The following BTG4 variants were observed in gnomAD, a reference collection of about 807,000 sequenced individuals.
BTG4 encodes the protein BTG anti-proliferation factor 4.
BTG4 carries 10 observed loss-of-function variants against 19.3 expected under a neutral mutation model. The ratio of observed to expected loss-of-function variants is 0.52; its 90% CI spans 0.32 to 0.88. The LOEUF (loss-of-function observed/expected upper bound fraction) is 0.88. BTG4 is among the 40% of genes least tolerant of loss of function. The pLI is 0.04. For missense variants in BTG4, 238 were observed against 281.9 expected, an observed-to-expected ratio of 0.84 and a Z score of 1.11; for synonymous variants, 91 against 95.7, an observed-to-expected ratio of 0.95 and a Z score of 0.29.
In BTG4 at chr11:111,498,168, A is replaced by T. The variant is rs775475262; in HGVS notation, c.174-33T>A. ...AAAAGCGAAGGGAAACGAAGACATG[A>T]TGACAGACACTTTAGCAGGAGAATC... On this transcript the variant is annotated intron_variant, in intron 2 of 4. Transcript: ENST00000692032. The T allele has an allele frequency of 5.6e-6, 9 of 1,610,604 alleles. No homozygotes were observed. In the Admixed American group the frequency reaches 1.3e-4, roughly 24 times the overall value.
the BTG4 span, among the ~76,000 whole-genome samples, chr11:111,428,840 G>A: frequency 1.3e-5 from 2 of 152,070 alleles, no homozygotes; most frequent in African/African-American, 4.8e-5. Flanking sequence ...TCAGGTTCGT[G>A]GTAACCAGGA....
chr11:111,394,374 G>A, the BTG4 span, among the ~76,000 whole-genome samples: 1 of 152,200 alleles, frequency 6.6e-6, no homozygotes, highest in South Asian at 2.1e-4. Context: ...CATAGGGGCA[G>A]TTCCCCCCAT....
intron 5 of BTG4, chr11:111,475,281 A>C (rs1864335642): frequency 6.6e-6 from 1 of 152,248 alleles, no homozygotes; most frequent in African/African-American, 2.4e-5. Flanking sequence ...TTTGCCACAG[A>C]GGTTGAGGAC....
the BTG4 span, among the ~76,000 whole-genome samples, chr11:111,394,190 T>C: frequency 0.7 from 105,918 of 152,146 alleles, 37,969 homozygotes; most frequent in Admixed American, 0.8. Context: ...AGAAGTCAAG[T>C]TGATGAGTCC....
At chr11:111,384,759 T>A in the BTG4 span, 1 of 152,280 alleles carries the variant, frequency 6.6e-6, no homozygotes, top group South Asian at 2.1e-4. Flanking sequence ...TAAAGTTTAT[T>A]ATAGGAATTT....
chr11:111,401,971 T>C, the BTG4 span, among the ~76,000 whole-genome samples: 4 of 152,228 alleles, frequency 2.6e-5, no homozygotes, highest in African/African-American at 9.6e-5. Context: ...TATAATTATA[T>C]ATTTTTATTC....
the BTG4 span, among the ~76,000 whole-genome samples, chr11:111,441,824 T>C: frequency 1.4e-4 from 22 of 152,164 alleles, no homozygotes; most frequent in African/African-American, 5.1e-4. Flanking sequence ...CTTGAGAGGC[T>C]GAGGCAGGCA....
the BTG4 span, among the ~76,000 whole-genome samples, chr11:111,446,624 AACACACACACAC>A: frequency 1.2e-3 from 179 of 146,946 alleles, no homozygotes; most frequent in Middle Eastern, 6.8e-3. Context: ...GACACCAATA[AACACACACACAC>A]ACACACACAC....
At chr11:111,425,341 A>T in the BTG4 span, among the ~76,000 whole-genome samples, 1 of 152,128 alleles carries the variant, frequency 6.6e-6, no homozygotes, top group South Asian at 2.1e-4. Flanking sequence ...AGATAAACAC[A>T]TACACAAAAG....
the BTG4 span, among the ~76,000 whole-genome samples, chr11:111,441,115 CTTT>C: frequency 6.9e-6 from 1 of 144,444 alleles, no homozygotes; most frequent in African/African-American, 2.6e-5. Flanking sequence ...GCTCTCTTTT[CTTT>C]TTTTTTTTTT....
chr11:111,474,052 C>G (rs543147773), intron 5 of BTG4, among the ~76,000 whole-genome samples: 1 of 152,234 alleles, frequency 6.6e-6, no homozygotes, highest in East Asian at 1.9e-4. Flanking sequence ...TCTTCATCTT[C>G]CCCATGCACA....
intron 1 of BTG4, among the ~76,000 whole-genome samples, chr11:111,501,240 T>A (rs1416542962): frequency 6.6e-6 from 1 of 152,280 alleles, no homozygotes; most frequent in South Asian, 2.1e-4. Context: ...GGCATGTACC[T>A]GTAGCCCTAG....
the BTG4 span, among the ~76,000 whole-genome samples, chr11:111,429,287 A>G: frequency 1.3e-5 from 2 of 152,224 alleles, no homozygotes; most frequent in South Asian, 2.1e-4. Context: ...GAGACCAGTC[A>G]GTATTGCAGG....
At chr11:111,476,836 C>A (rs1463067376) in intron 5 of BTG4, among the ~76,000 whole-genome samples, 4 of 152,108 alleles carry the variant, frequency 2.6e-5, no homozygotes, top group African/African-American at 9.7e-5. Context: ...TAAAGACTCT[C>A]TAGTATTTTA....
chr11:111,442,278 A>G, the BTG4 span, among the ~76,000 whole-genome samples: 3 of 151,328 alleles, frequency 2.0e-5, 1 homozygote, highest in South Asian at 6.3e-4. Flanking sequence ...AGGCAGGTGG[A>G]TCACTTGAGG....
chr11:111,492,454 G>A (rs1388989697), downstream of BTG4, among the ~76,000 whole-genome samples: 1 of 152,124 alleles, frequency 6.6e-6, no homozygotes, highest in African/African-American at 2.4e-5. Flanking sequence ...AGTTCTCCAT[G>A]CCCAGCCTAG....
chr11:111,384,604 C>T, the BTG4 span: 15 of 152,064 alleles, frequency 9.9e-5, no homozygotes, highest in African/African-American at 3.4e-4. Flanking sequence ...GCCAAATTGT[C>T]ATTCAAATAT....
the BTG4 span, among the ~76,000 whole-genome samples, chr11:111,393,843 A>G: frequency 6.6e-6 from 1 of 152,228 alleles, no homozygotes; most frequent in African/African-American, 2.4e-5. Context: ...CACAGTTAAG[A>G]CAAACTGGTA....
chr11:111,401,053 T>TTA, the BTG4 span: 3 of 82,152 alleles, frequency 3.7e-5, no homozygotes, highest in African/African-American at 1.1e-4. Context: ...ACCTGGAGCA[T>TTA]AAAAAAAAAA....
Sources: gnomAD v4.1 joint callset for allele counts (sites outside exome capture counted in the v4.1 genomes callset) on GRCh38, gnomAD v4.1.1 for gene constraint, MANE v1.5 for transcripts, NCBI Gene and HGNC (gene_info 2026-07-23, HGNC 2026-07-21) for gene names.